Variants in CDC73 observed in about 807,000 individuals in gnomAD.
CDC73 encodes parafibromin.
Under a neutral mutation model 83.7 loss-of-function variants are expected in CDC73, and 21 were observed. That is an observed-to-expected ratio of 0.25 (90% CI 0.18 to 0.36). The LOEUF (loss-of-function observed/expected upper bound fraction) is 0.36, where lower values mean the gene tolerates loss of function less well. Among genes scored for constraint, CDC73 ranks in the 10% least tolerant of loss-of-function variants. The pLI, the probability that CDC73 is intolerant of heterozygous loss-of-function variation, is 1.00. For synonymous variants in CDC73, 224 were observed against 212.9 expected, an observed-to-expected ratio of 1.05 and a Z score of -0.45; for missense variants, 342 against 653.3, an observed-to-expected ratio of 0.52 and a Z score of 5.19.
chr1:193,211,528 T>C (rs1481072231), intron 11 of CDC73, among the ~76,000 whole-genome samples: 1 of 152,218 alleles, frequency 6.6e-6, no homozygotes, highest in South Asian at 2.1e-4. Context: ...TAGTGGCATA[T>C]CCAAATTGTC....
intron 7 of CDC73, among the ~76,000 whole-genome samples, chr1:193,146,068 A>AG (rs1370713152): frequency 1.3e-5 from 2 of 152,322 alleles, no homozygotes; most frequent in Admixed American, 6.5e-5. Flanking sequence ...AGGTGGGAAG[A>AG]GTGGTCCCAG....
intron 10 of CDC73, among the ~76,000 whole-genome samples, chr1:193,185,596 A>G (rs1308391912): frequency 6.6e-6 from 1 of 152,060 alleles, no homozygotes; most frequent in African/African-American, 2.4e-5. Context: ...CCTTGCTACT[A>G]TTTAATGAAA....
intron 7 of CDC73, among the ~76,000 whole-genome samples, chr1:193,142,789 G>A (rs1039267285): frequency 2.6e-5 from 4 of 152,022 alleles, no homozygotes; most frequent in African/African-American, 9.7e-5. Flanking sequence ...ACAAATTGCT[G>A]GTTAAAGGAG....
intron 11 of CDC73, 59 bp downstream of exon 11, chr1:193,203,911 T>A: frequency 7.4e-7 from 1 of 1,345,382 alleles, no homozygotes; most frequent in South Asian, 1.2e-5. Flanking sequence ...AGTGCAAGTT[T>A]TTAGTATGCG....
intron 13 of CDC73, among the ~76,000 whole-genome samples, chr1:193,214,322 A>G (rs1677326669): frequency 6.6e-6 from 1 of 152,254 alleles, no homozygotes; most frequent in African/African-American, 2.4e-5. Flanking sequence ...TGTACCAGAT[A>G]GTATAACCCA....
At chr1:193,177,707 T>A (rs1397887339) in intron 10 of CDC73, among the ~76,000 whole-genome samples, 1 of 152,162 alleles carries the variant, frequency 6.6e-6, no homozygotes, top group African/African-American at 2.4e-5. Context: ...ATACTGCTTG[T>A]ACAATCAGTA....
In CDC73 at chr1:193,252,840, G is replaced by T. The variant is rs952484065; in HGVS notation, c.*2128G>T. The T allele has an allele frequency of 4.3e-5, 10 of 231,670 alleles. No homozygotes were observed. The highest frequency in any genetic ancestry group is 1.8e-4 in the African/African-American group (8 of 45,224). The allele number at this position is 231,670 out of a possible 1,614,324, so 14.4% of individuals were successfully genotyped here. A position where few individuals can be genotyped will look rare whatever the true frequency, so the allele number is the denominator to read the frequency against. On this transcript the variant is annotated 3_prime_UTR_variant, in exon 17 of 17. Transcript: ENST00000367435. ...TTAACACAGTGCCTTGCACATAGTA[G>T]GCATTCAGTAAATACTTACATGCAT...
At chr1:193,215,532 C>T (rs1677352202) in intron 13 of CDC73, among the ~76,000 whole-genome samples, 1 of 151,016 alleles carries the variant, frequency 6.6e-6, no homozygotes, top group South Asian at 2.1e-4. Context: ...TATACAGTTA[C>T]ATAGAAATTA....
chr1:193,142,630 T>G (rs1486011382), intron 7 of CDC73, among the ~76,000 whole-genome samples: 1 of 151,908 alleles, frequency 6.6e-6, no homozygotes, highest in Non-Finnish European at 1.5e-5. Context: ...TCTGCCCCCC[T>G]CCTCCTTTCT....
At chr1:193,158,261 G>T (rs1392919069) in intron 10 of CDC73, among the ~76,000 whole-genome samples, 2 of 152,030 alleles carry the variant, frequency 1.3e-5, no homozygotes, top group Non-Finnish European at 2.9e-5. Flanking sequence ...TTGAGAGAAA[G>T]TAGCTGCAAA....
intron 13 of CDC73, among the ~76,000 whole-genome samples, chr1:193,221,526 A>G (rs1677469630): frequency 6.6e-6 from 1 of 152,218 alleles, no homozygotes; most frequent in Non-Finnish European, 1.5e-5. Context: ...TGGTTATACA[A>G]AATTTACAGT....
Position 193,158,600 on chromosome 1 carries a change from TA to T in CDC73, c.972+6160del, listed in dbSNP as rs561287215. Among the ~76,000 whole-genome samples, 89 of 152,308 alleles carry T rather than the reference TA, an allele frequency of 5.8e-4. 2 individuals carry two copies. In the South Asian group the frequency reaches 0.017, roughly 29 times the overall value. ...ATTATAAGTAGGAATATTACTTTTA[TA>T]AAATGTTTTTTCTGTACTCTGTGTT... is the stretch of plus-strand genomic sequence containing the variant. On this transcript the variant is annotated intron_variant, in intron 10 of 16. Transcript: ENST00000367435.
Position 193,150,292 on chromosome 1 carries a change from A to C in CDC73, c.829-12A>C. ...AATATTAACAAGTAACTCATAATTAATTTTTTTACAGGATCCCACTTTGCG... is the reference window on the plus strand; with the variant it reads ...AATATTAACAAGTAACTCATAATTACTTTTTTTACAGGATCCCACTTTGCG... On this transcript the variant is annotated splice_polypyrimidine_tract_variant and intron_variant, in intron 8 of 16. Transcript: ENST00000367435. 1 of 1,576,774 alleles carries C rather than the reference A, an allele frequency of 6.3e-7. No individual in the cohort carries two copies. Among genetic ancestry groups the C allele is most frequent in the Non-Finnish European group, 8.7e-7 (1 of 1,146,056 alleles).
At chr1:193,210,717 CT>C (rs1402321514) in intron 11 of CDC73, among the ~76,000 whole-genome samples, 4 of 152,066 alleles carry the variant, frequency 2.6e-5, no homozygotes, top group Admixed American at 1.3e-4. Context: ...TTGCGAGACC[CT>C]GTTTTTGTTA....
At chr1:193,233,407 GT>G (rs1356462859) in intron 14 of CDC73, among the ~76,000 whole-genome samples, 5 of 152,144 alleles carry the variant, frequency 3.3e-5, no homozygotes, top group African/African-American at 1.2e-4. Context: ...ATTGTTGGTT[GT>G]TTTTTCTCAT....
intron 2 of CDC73, among the ~76,000 whole-genome samples, chr1:193,127,681 A>G (rs1026625343): frequency 2.0e-5 from 3 of 152,288 alleles, no homozygotes; most frequent in Admixed American, 1.3e-4. Flanking sequence ...CCTTGGTTGC[A>G]TAAGATTTAA....
intron 10 of CDC73, among the ~76,000 whole-genome samples, chr1:193,164,691 G>T (rs1676404719): frequency 6.6e-6 from 1 of 151,830 alleles, no homozygotes; most frequent in African/African-American, 2.4e-5. Context: ...TTTCCCCTTG[G>T]GCACTGCTTA....
At chr1:193,135,680 G>T in intron 5 of CDC73, 91 bp downstream of exon 5, 1 of 1,054,366 alleles carries the variant, frequency 9.5e-7, no homozygotes, top group South Asian at 1.5e-5. Flanking sequence ...GCAGTAACCT[G>T]AGGAGCTTTT....
intron 10 of CDC73, among the ~76,000 whole-genome samples, chr1:193,172,358 C>T (rs991679514): frequency 2.0e-5 from 3 of 149,312 alleles, no homozygotes; most frequent in East Asian, 2.0e-4. Context: ...TATTGATTTG[C>T]AGTGGAAAGA....
Sources: gnomAD v4.1 joint callset for allele counts (sites outside exome capture counted in the v4.1 genomes callset) on GRCh38, gnomAD v4.1.1 for gene constraint, MANE v1.5 for transcripts, NCBI Gene and HGNC (gene_info 2026-07-23, HGNC 2026-07-21) for gene names.